The following CAPZA2 variants were observed in gnomAD, a reference collection of about 807,000 sequenced individuals.
CAPZA2 encodes the protein capping actin protein of muscle Z-line subunit alpha 2, also known as F-actin-capping protein subunit alpha-2.
CAPZA2 carries 13 observed loss-of-function variants against 44.0 expected under a neutral mutation model. The ratio of observed to expected loss-of-function variants is 0.30; its 90% CI spans 0.19 to 0.47. CAPZA2 has a LOEUF of 0.47. CAPZA2 is among the 20% of genes least tolerant of loss of function. The pLI is 1.00. For synonymous variants in CAPZA2, 94 were observed against 108.2 expected (o/e 0.87, Z 0.81); for missense variants, 244 against 338.6 (o/e 0.72, Z 2.19).
chr7:116,917,887 GA>G lies in CAPZA2; in HGVS notation c.*21del. On this transcript the variant is annotated 3_prime_UTR_variant, in exon 10 of 10. Coordinates refer to ENST00000361183, the MANE Select transcript of CAPZA2 (RefSeq NM_006136.3). ...GCATAAGATGAACATTGCATGACCGGATCATTTTAGTGTCTTTGCGTTAAAA... is the reference window on the plus strand; with the variant it reads ...GCATAAGATGAACATTGCATGACCGGTCATTTTAGTGTCTTTGCGTTAAAA... 1.9e-6 allele frequency: 3 copies of G among 1,599,702 alleles called. No homozygotes were observed. The South Asian group carries it at 3.3e-5, about 18-fold the overall frequency.
chr7:116,865,863 G>T (rs1207540757), intron 1 of CAPZA2, among the ~76,000 whole-genome samples: 1 of 152,190 alleles, frequency 6.6e-6, no homozygotes, highest in African/African-American at 2.4e-5. Flanking sequence ...TTACGGGCAT[G>T]AGCCATGATT....
intron 1 of CAPZA2, among the ~76,000 whole-genome samples, chr7:116,865,570 A>G (rs944902161): frequency 6.6e-6 from 1 of 151,754 alleles, no homozygotes; most frequent in Admixed American, 6.6e-5. Flanking sequence ...GCTTATTTTG[A>G]AAAAGGAGAA....
At chr7:116,889,852 T>C (rs1489745485) in intron 2 of CAPZA2, among the ~76,000 whole-genome samples, 2 of 152,226 alleles carry the variant, frequency 1.3e-5, no homozygotes, top group African/African-American at 4.8e-5. Context: ...CAAAATCTCA[T>C]GTAGTGAACT....
intron 8 of CAPZA2, among the ~76,000 whole-genome samples, chr7:116,914,505 C>T (rs926303908): frequency 6.6e-6 from 1 of 151,710 alleles, no homozygotes; most frequent in Non-Finnish European, 1.5e-5. Context: ...CTCTGTTGCC[C>T]AGGTTACAGT....
rs1455399942 is a variant in CAPZA2, at chr7:116,920,883, GA to G, written c.*3017del. 6 of 152,264 alleles carry G rather than the reference GA, an allele frequency of 3.9e-5. No individual in the cohort carries two copies. Among genetic ancestry groups the G allele is most frequent in the African/African-American group, 1.4e-4 (6 of 41,442 alleles). The allele number at this position is 152,264 out of a possible 1,614,324, so 9.4% of individuals were successfully genotyped here. Reference sequence around the variant, plus strand: ...GTAAAGCTGTTTGGGTGCAGGCATAGAGTAGATGAAATAAATTTCACCAGGG... The same window carrying G: ...GTAAAGCTGTTTGGGTGCAGGCATAGGTAGATGAAATAAATTTCACCAGGG... On this transcript the variant is annotated 3_prime_UTR_variant, in exon 10 of 10. Transcript: ENST00000361183.
rs1337081041 is a variant in CAPZA2, at chr7:116,921,086, C to T, written c.*3219C>T. Reference sequence around the variant, plus strand: ...AAGTAGGGGAACTAGAAAGAATGACCTGGAAATGTAAGAAGTGGGCCGGGC... The same window carrying T: ...AAGTAGGGGAACTAGAAAGAATGACTTGGAAATGTAAGAAGTGGGCCGGGC... On this transcript the variant is annotated 3_prime_UTR_variant, in exon 10 of 10. Coordinates refer to ENST00000361183, the MANE Select transcript of CAPZA2 (RefSeq NM_006136.3). 1 of 152,224 alleles carries T rather than the reference C, an allele frequency of 6.6e-6. No individual in the cohort carries two copies. Among genetic ancestry groups the T allele is most frequent in the East Asian group, 1.9e-4 (1 of 5,180 alleles). 9.4% of individuals were successfully genotyped at this position (152,224 alleles called of 1,614,324 possible). A position where few individuals can be genotyped will look rare whatever the true frequency, so the allele number is the denominator to read the frequency against.
chr7:116,917,106 C>CTTATTATTATTATAGA (rs1189317456), intron 9 of CAPZA2, among the ~76,000 whole-genome samples: 2 of 152,106 alleles, frequency 1.3e-5, no homozygotes, highest in African/African-American at 4.8e-5. Context: ...GTTTCTACTC[C>CTTATTATTATTATAGA]TTAAAAATAA....
At position 116,918,111 on chromosome 7, in the gene CAPZA2, A is replaced by G. The variant is rs566979467; in HGVS notation, c.*244A>G. 2.3e-4 allele frequency: 79 copies of G among 340,900 alleles called. No homozygotes were observed. Among genetic ancestry groups the G allele is most frequent in the Non-Finnish European group, 3.7e-4 (68 of 184,212 alleles). The allele number at this position is 340,900 out of a possible 1,614,324, so 21.1% of individuals were successfully genotyped here. ...TTCTGTTAGGCCTTTCTTTCTTACAATGAAGAGATGATTCTTCTAGTTTAT... is the reference window on the plus strand; with the variant it reads ...TTCTGTTAGGCCTTTCTTTCTTACAGTGAAGAGATGATTCTTCTAGTTTAT... On this transcript the variant is annotated 3_prime_UTR_variant, in exon 10 of 10. Transcript: ENST00000361183.
At chr7:116,883,870 A>C (rs1397204325) in intron 1 of CAPZA2, among the ~76,000 whole-genome samples, 2 of 152,212 alleles carry the variant, frequency 1.3e-5, no homozygotes, top group African/African-American at 4.8e-5. Context: ...GCTGCTTGCT[A>C]TCAGGAATTT....
chr7:116,913,769 A>ATTTTTTTTT (rs10717939), intron 8 of CAPZA2, among the ~76,000 whole-genome samples: 1 of 87,712 alleles, frequency 1.1e-5, no homozygotes, highest in African/African-American at 4.5e-5. Context: ...CACCCAGCTA[A>ATTTTTTTTT]TTTTTTTTTT....
At chr7:116,890,522 AAAAATAT>A (rs1796818903) in intron 2 of CAPZA2, among the ~76,000 whole-genome samples, 1 of 38,718 alleles carries the variant, frequency 2.6e-5, no homozygotes, top group Non-Finnish European at 4.3e-5. Flanking sequence ...AAAAAAAAAA[AAAAATAT>A]ATATATATAT....
At chr7:116,879,814 A>G (rs764610851) in intron 1 of CAPZA2, among the ~76,000 whole-genome samples, 3 of 152,218 alleles carry the variant, frequency 2.0e-5, no homozygotes, top group African/African-American at 7.2e-5. Context: ...TCATTGAAAT[A>G]CTACATTCCC....
intron 1 of CAPZA2, among the ~76,000 whole-genome samples, chr7:116,882,434 T>C (rs1796713746): frequency 6.6e-6 from 1 of 152,206 alleles, no homozygotes; most frequent in Non-Finnish European, 1.5e-5. Context: ...TTACCATTCA[T>C]TACTACCATT....
At chr7:116,893,872 A>G (rs1796884598) in intron 3 of CAPZA2, among the ~76,000 whole-genome samples, 1 of 152,182 alleles carries the variant, frequency 6.6e-6, no homozygotes, top group African/African-American at 2.4e-5. Context: ...GACTTTTCGC[A>G]GCTATCCTGC....
intron 2 of CAPZA2, 79 bp downstream of exon 2, chr7:116,888,269 C>CT: frequency 1.0e-6 from 1 of 986,490 alleles, no homozygotes; most frequent in South Asian, 1.4e-5. Flanking sequence ...TCAAAATAAG[C>CT]TAAGGACAGT....
chr7:116,864,229 AGC>A (rs1410164106), intron 1 of CAPZA2, among the ~76,000 whole-genome samples: 1 of 152,210 alleles, frequency 6.6e-6, no homozygotes, highest in Non-Finnish European at 1.5e-5. Context: ...GATGATTAGT[AGC>A]TCAAGTGGCT....
At chr7:116,900,643 T>C (rs1486476325) in intron 4 of CAPZA2, among the ~76,000 whole-genome samples, 1 of 151,868 alleles carries the variant, frequency 6.6e-6, no homozygotes, top group East Asian at 1.9e-4. Context: ...GACGGTCTTC[T>C]CAAGCAACAA....
At chr7:116,886,488 A>C (rs1796763296) in intron 1 of CAPZA2, among the ~76,000 whole-genome samples, 1 of 152,230 alleles carries the variant, frequency 6.6e-6, no homozygotes, top group African/African-American at 2.4e-5. Flanking sequence ...CATAACACAT[A>C]CACAAACACA....
At chr7:116,890,439 G>GCC (rs1423213547) in intron 2 of CAPZA2, among the ~76,000 whole-genome samples, 1 of 147,432 alleles carries the variant, frequency 6.8e-6, no homozygotes, top group Non-Finnish European at 1.5e-5. Flanking sequence ...GGGAGGCCAA[G>GCC]CCCGGTGGAT....
Sources: allele counts gnomAD v4.1 joint callset (sites outside exome capture counted in the v4.1 genomes callset), GRCh38; gene constraint gnomAD v4.1.1; transcripts MANE v1.5; gene names NCBI Gene and HGNC (gene_info 2026-07-23, HGNC 2026-07-21).